The following PTPN13 variants were observed in gnomAD, a reference collection of about 807,000 sequenced individuals.
PTPN13 encodes protein tyrosine phosphatase non-receptor type 13, also known as tyrosine-protein phosphatase non-receptor type 13.
A neutral mutation model predicts 284.0 loss-of-function variants in PTPN13; 191 were observed. That is an observed-to-expected ratio of 0.67 (90% CI 0.60 to 0.76). The LOEUF is 0.76. Ranked by LOEUF, PTPN13 falls within the 30% of genes least tolerant of loss-of-function variation. PTPN13 has a pLI of 0.00. For synonymous variants in PTPN13, 986 were observed against 1,022.3 expected (o/e 0.96, Z 0.68); for missense variants, 2,797 against 2,939.9 (o/e 0.95, Z 1.12).
chr4:86,759,623 C>T (rs897450876), intron 23 of PTPN13, among the ~76,000 whole-genome samples: 2 of 152,092 alleles, frequency 1.3e-5, no homozygotes, highest in African/African-American at 4.8e-5. Flanking sequence ...GCCCCTGTGG[C>T]GTAGAACAGT....
intron 35 of PTPN13, among the ~76,000 whole-genome samples, chr4:86,777,861 C>T (rs1740838968): frequency 3.3e-5 from 5 of 152,044 alleles, no homozygotes; most frequent in Admixed American, 1.3e-4. Flanking sequence ...CATAGATCTA[C>T]TTGAATGTTA....
chr4:86,595,808 G>A lies in PTPN13; in HGVS notation c.-6+1019G>A, dbSNP rs140024540. On this transcript the variant is annotated intron_variant, in intron 1 of 47. Transcript: ENST00000411767. ...GCTGGTAACTAATTATAAATTTTAAGATTTTAAAATTTATATCTAGAAAGT... is the reference window on the plus strand; with the variant it reads ...GCTGGTAACTAATTATAAATTTTAAAATTTTAAAATTTATATCTAGAAAGT... 7.6e-4 allele frequency: 729 copies of A among 963,902 alleles called. 3 individuals carry two copies. The African/African-American group carries it at 0.012, about 16-fold the overall frequency. The allele number at this position is 963,902 out of a possible 1,614,324, so 59.7% of individuals were successfully genotyped here. A position where few individuals can be genotyped will look rare whatever the true frequency, so the allele number is the denominator to read the frequency against.
chr4:86,647,410 T>G (rs1184792559), intron 2 of PTPN13, among the ~76,000 whole-genome samples: 1 of 151,854 alleles, frequency 6.6e-6, no homozygotes, highest in African/African-American at 2.4e-5. Flanking sequence ...TTTTTCTCTT[T>G]GTAGAGCATC....
chr4:86,644,290 C>G (rs1724157081), intron 2 of PTPN13, among the ~76,000 whole-genome samples: 1 of 152,048 alleles, frequency 6.6e-6, no homozygotes, highest in Non-Finnish European at 1.5e-5. Context: ...TGCTACCACG[C>G]TCGGCCAAAT....
chr4:86,764,434 A>G (rs564379910), intron 24 of PTPN13, among the ~76,000 whole-genome samples, 159 bp from the exon 25 acceptor site: 1 of 151,856 alleles, frequency 6.6e-6, no homozygotes, highest in African/African-American at 2.4e-5. Context: ...CTTTTTCATA[A>G]TTTTTCCAAA....
chr4:86,716,256 A>G (rs1733002785), intron 7 of PTPN13, among the ~76,000 whole-genome samples: 1 of 152,214 alleles, frequency 6.6e-6, no homozygotes, highest in Non-Finnish European at 1.5e-5. Flanking sequence ...AATTAAAAGA[A>G]GAGTCATGGG....
At chr4:86,657,214 G>A (rs1292869024) in intron 2 of PTPN13, among the ~76,000 whole-genome samples, 2 of 152,170 alleles carry the variant, frequency 1.3e-5, no homozygotes, top group African/African-American at 4.8e-5. Flanking sequence ...CTCATGCTCG[G>A]TGGGCTGCAC....
chr4:86,777,665 A>T (rs976522116), intron 35 of PTPN13, among the ~76,000 whole-genome samples: 2 of 152,196 alleles, frequency 1.3e-5, no homozygotes, highest in Non-Finnish European at 2.9e-5. Flanking sequence ...GGAAAAATTC[A>T]CATTTTTGTT....
intron 10 of PTPN13, among the ~76,000 whole-genome samples, chr4:86,725,036 C>T (rs1734092334): frequency 7.8e-6 from 1 of 128,820 alleles, no homozygotes; most frequent in Admixed American, 1.0e-4. Context: ...TCTCATTGTT[C>T]ATTTCCCACC....
At chr4:86,764,750 G>A (rs775688538) in intron 25 of PTPN13, 26 bp downstream of exon 25, 1 of 1,583,764 alleles carries the variant, frequency 6.3e-7, no homozygotes, top group Non-Finnish European at 8.5e-7. Flanking sequence ...GTTTTCAAAT[G>A]TTTTCTCTTC....
At chr4:86,798,055 C>T (rs1218918319) in intron 41 of PTPN13, among the ~76,000 whole-genome samples, 2 of 152,188 alleles carry the variant, frequency 1.3e-5, no homozygotes, top group African/African-American at 4.8e-5. Flanking sequence ...TTAACCATAT[C>T]AATGCAGTCT....
Position 86,775,327 on chromosome 4 carries a change from A to C in PTPN13, c.5665A>C (p.Asn1889His). 6.2e-7 allele frequency: 1 copy of C among 1,612,014 alleles called. No individual in the cohort carries two copies. Among genetic ancestry groups the C allele is most frequent in the Non-Finnish European group, 8.5e-7 (1 of 1,179,130 alleles). The change falls in exon 34 of 48, where the codon AAC becomes CAC. Residue 1889 changes from asparagine (N) to histidine (H), a missense_variant. Coordinates refer to ENST00000411767, the MANE Select transcript of PTPN13 (RefSeq NM_080683.3). ...HLLPDITLTCNKEELGFSLCG... is the reference protein window; with the variant it reads ...HLLPDITLTCHKEELGFSLCG... ...GCTACCGGACATAACACTAACGTGC[A>C]ACAAAGAGGAGTTGGGTAATGAAAA...
chr4:86,673,645 T>C (rs903558120), intron 3 of PTPN13, among the ~76,000 whole-genome samples: 2 of 152,220 alleles, frequency 1.3e-5, no homozygotes, highest in Non-Finnish European at 2.9e-5. Flanking sequence ...GAGGTTAAAT[T>C]TGACAAAAGT....
At chr4:86,625,577 T>C (rs66669421) in intron 1 of PTPN13, among the ~76,000 whole-genome samples, 25,510 of 152,140 alleles carry the variant, frequency 0.17, 2,462 homozygotes, top group East Asian at 0.29. Flanking sequence ...TTTGTGTGTA[T>C]GTGTGTGTGT....
At chr4:86,802,153 G>A (rs1744106842) in intron 42 of PTPN13, among the ~76,000 whole-genome samples, 1 of 151,290 alleles carries the variant, frequency 6.6e-6, no homozygotes, top group Non-Finnish European at 1.5e-5. Context: ...TTTAGTGTGT[G>A]TGTGTGTGTG....
Position 86,769,978 on chromosome 4 carries a change from C to G in PTPN13, c.4699C>G (p.Gln1567Glu), listed in dbSNP as rs1371637706. The G allele has an allele frequency of 1.9e-6, 3 of 1,613,818 alleles. No homozygotes were observed. In the Admixed American group the frequency reaches 5.0e-5, roughly 27 times the overall value. ...VNGASLKGLS[Q>E]QEVISALRGT... is the part of the protein sequence containing the mutation. Reference sequence around the variant, plus strand: ...TGGAGCCTCTTTGAAAGGACTATCTCAGCAGGTGAGCCCCTAGCATGTGGA... The same window carrying G: ...TGGAGCCTCTTTGAAAGGACTATCTGAGCAGGTGAGCCCCTAGCATGTGGA... Residue 1567 changes from glutamine to glutamate, a missense_variant, in exon 29 of 48, where the codon CAG becomes GAG. Transcript: ENST00000411767.
intron 2 of PTPN13, among the ~76,000 whole-genome samples, chr4:86,653,208 A>C (rs1463333645): frequency 6.6e-6 from 1 of 152,146 alleles, no homozygotes; most frequent in African/African-American, 2.4e-5. Context: ...CCTATCTGAA[A>C]GGAATACCTT....
intron 15 of PTPN13, among the ~76,000 whole-genome samples, chr4:86,738,093 T>C (rs1400845420): frequency 6.6e-6 from 1 of 152,188 alleles, no homozygotes; most frequent in African/African-American, 2.4e-5. Flanking sequence ...CTTTTTTTTT[T>C]CTGAGTAGTT....
At chr4:86,615,574 G>A (rs1720445418) in intron 1 of PTPN13, among the ~76,000 whole-genome samples, 1 of 152,038 alleles carries the variant, frequency 6.6e-6, no homozygotes, top group African/African-American at 2.4e-5. Flanking sequence ...GTTAGACTTG[G>A]AAAACATGTT....
Sources: allele counts gnomAD v4.1 joint callset (sites outside exome capture counted in the v4.1 genomes callset), GRCh38; gene constraint gnomAD v4.1.1; transcripts MANE v1.5; gene names NCBI Gene and HGNC (gene_info 2026-07-23, HGNC 2026-07-21).